The following GJA8 variants were observed in gnomAD, a reference collection of about 807,000 sequenced individuals.
GJA8 encodes the protein gap junction protein alpha 8.
GJA8 carries 13 observed loss-of-function variants against 15.3 expected under a neutral mutation model. The observed-to-expected ratio is 0.85, with a 90% confidence interval of 0.55 to 1.35. The LOEUF is 1.35. Among genes scored for constraint, GJA8 ranks in the 40% most tolerant of loss-of-function variants. The pLI is 0.00. For synonymous variants in GJA8, 304 were observed against 238.7 expected, an observed-to-expected ratio of 1.27 and a Z score of -2.52; for missense variants, 607 against 553.3, an observed-to-expected ratio of 1.10 and a Z score of -0.97.
chr1:147,910,004 C>T (rs1438520602), downstream of GJA8, among the ~76,000 whole-genome samples: 2 of 152,064 alleles, frequency 1.3e-5, no homozygotes, highest in African/African-American at 2.4e-5. Flanking sequence ...GGACTATAGG[C>T]GCACACCACC....
intron 1 of GJA8, among the ~76,000 whole-genome samples, chr1:147,904,794 T>C (rs1651727293): frequency 1.3e-5 from 2 of 152,144 alleles, no homozygotes; most frequent in South Asian, 2.1e-4. Flanking sequence ...GTTGGAAAGA[T>C]TGTGTCCTAA....
downstream of GJA8, among the ~76,000 whole-genome samples, chr1:147,910,836 G>C (rs1327688997): frequency 1.3e-5 from 2 of 152,158 alleles, no homozygotes; most frequent in African/African-American, 4.8e-5. Flanking sequence ...TCCCAAAGTG[G>C]AGTCTCAGGC....
In GJA8 at chr1:147,909,193, C is replaced by G. The variant is rs1450321503; in HGVS notation, c.1238C>G (p.Ala413Gly). The G allele has an allele frequency of 6.2e-7, 1 of 1,613,328 alleles. No individual in the cohort carries two copies. Among genetic ancestry groups the G allele is most frequent in the Non-Finnish European group, 8.5e-7 (1 of 1,179,702 alleles). ...TGTCCAGAGCTGACAACAGATGATGCCAGACCCCTGAGCAGGCTAAGCAAA... is the reference window on the plus strand; with the variant it reads ...TGTCCAGAGCTGACAACAGATGATGGCAGACCCCTGAGCAGGCTAAGCAAA... ...SLCPELTTDD[A>G]RPLSRLSKAS... Residue 413 changes from alanine (A) to glycine (G), a missense_variant, in exon 2 of 2, where the codon GCC (alanine) becomes GGC (glycine). Ala to Gly is a moderately conservative substitution (Grantham distance 60, BLOSUM62 0). Transcript: ENST00000369235.
At chr1:147,906,874 T>G (rs1194648101) in intron 1 of GJA8, among the ~76,000 whole-genome samples, 2 of 152,088 alleles carry the variant, frequency 1.3e-5, no homozygotes, top group Non-Finnish European at 2.9e-5. Context: ...AGCCTCAGAT[T>G]TCTTTTTTCT....
rs1651904201 is a variant in GJA8, at chr1:147,908,399, G to A, written c.444G>A (p.Leu148=). ...TKKFRLEGTL[L]RTYICHIIFK... ...AGTTCCGGCTGGAGGGGACCCTGCT[G>A]AGGACCTACATCTGCCACATCATCT... The change falls in exon 2 of 2, where the codon CTG becomes CTA. Residue 148 remains leucine, a synonymous_variant. Transcript: ENST00000369235. 1 of 1,614,212 alleles carries A rather than the reference G, an allele frequency of 6.2e-7. No homozygotes were observed.
At chr1:147,906,543 C>T (rs1651805965) in intron 1 of GJA8, among the ~76,000 whole-genome samples, 1 of 152,198 alleles carries the variant, frequency 6.6e-6, no homozygotes, top group Non-Finnish European at 1.5e-5. Context: ...TTCCATAGGA[C>T]ACTAAAAGTG....
At chr1:147,905,974 C>T (rs1473543939) in intron 1 of GJA8, among the ~76,000 whole-genome samples, 12 of 152,214 alleles carry the variant, frequency 7.9e-5, no homozygotes, top group African/African-American at 2.9e-4. Flanking sequence ...GCACTCTCTG[C>T]TCTCCCACAA....
intron 1 of GJA8, among the ~76,000 whole-genome samples, 41 bp downstream of exon 1, chr1:147,902,902 C>A (rs1398599083): frequency 6.6e-6 from 1 of 152,174 alleles, no homozygotes; most frequent in African/African-American, 2.4e-5. Context: ...AACCTTCCCC[C>A]CAATTGTTCT....
intron 1 of GJA8, among the ~76,000 whole-genome samples, chr1:147,907,233 T>C (rs1462637472): frequency 1.3e-5 from 2 of 152,176 alleles, no homozygotes; most frequent in South Asian, 2.1e-4. Context: ...CAAATACTTA[T>C]CAAGTTCTCA....
chr1:147,909,261 G>C lies in GJA8; in HGVS notation c.*4G>C. The C allele has an allele frequency of 9.3e-7, 1 of 1,075,542 alleles. No individual in the cohort carries two copies. Among genetic ancestry groups the C allele is most frequent in the Non-Finnish European group, 1.3e-6 (1 of 746,674 alleles). The allele number at this position is 1,075,542 out of a possible 1,614,324, so 66.6% of individuals were successfully genotyped here. ...GTCAGACGATCTAACCGTATGAAGTGACGCCAAAGAAAAAAAAAAAAACGC... is the reference window on the plus strand; with the variant it reads ...GTCAGACGATCTAACCGTATGAAGTCACGCCAAAGAAAAAAAAAAAAACGC... On this transcript the variant is annotated 3_prime_UTR_variant, in exon 2 of 2. Transcript: ENST00000369235.
At chr1:147,904,332 T>A (rs966082071) in intron 1 of GJA8, among the ~76,000 whole-genome samples, 95 of 142,928 alleles carry the variant, frequency 6.6e-4, no homozygotes, top group Middle Eastern at 3.4e-3. Flanking sequence ...CTGTGAAATC[T>A]AAGTCTGAGA....
chr1:147,911,297 C>G (rs180932746), downstream of GJA8, among the ~76,000 whole-genome samples: 169 of 152,294 alleles, frequency 1.1e-3, no homozygotes, highest in African/African-American at 3.9e-3. Flanking sequence ...TCAAGATATA[C>G]CTTTCCAAAG....
downstream of GJA8, among the ~76,000 whole-genome samples, chr1:147,909,687 A>G (rs1553243204): frequency 6.6e-6 from 1 of 152,214 alleles, no homozygotes; most frequent in East Asian, 1.9e-4. Flanking sequence ...TCAGGGATCC[A>G]GACTCAAAAG....
At chr1:147,914,477 T>C in the GJA8 span, among the ~76,000 whole-genome samples, 1 of 152,172 alleles carries the variant, frequency 6.6e-6, no homozygotes, top group Non-Finnish European at 1.5e-5. Context: ...AAAATTAACT[T>C]GACTTTTCAC....
downstream of GJA8, chr1:147,909,329 T>G: frequency 8.7e-7 from 1 of 1,153,152 alleles, no homozygotes. Context: ...GGTGCCAACA[T>G]GATCTGAATC....
At chr1:147,906,030 T>C (rs965495601) in intron 1 of GJA8, among the ~76,000 whole-genome samples, 4 of 152,268 alleles carry the variant, frequency 2.6e-5, no homozygotes, top group African/African-American at 9.6e-5. Flanking sequence ...AGGCTGGACA[T>C]TGCAGATGCC....
chr1:147,908,180 T>G lies in GJA8; in HGVS notation c.225T>G (p.Ile75Met). ...ACGAGGCCTTTCCCATCTCCCACAT[T>G]CGCCTCTGGGTGCTGCAGATCATCT... ...CYDEAFPISH[I>M]RLWVLQIIFV... The change falls in exon 2 of 2, where the codon ATT (isoleucine) becomes ATG (methionine). Residue 75 changes from isoleucine to methionine, a missense_variant. By Grantham distance (10) the Ile-to-Met change is conservative. Transcript: ENST00000369235. 1 of 1,614,172 alleles carries G rather than the reference T, an allele frequency of 6.2e-7. No individual in the cohort carries two copies. Among genetic ancestry groups the G allele is most frequent in the South Asian group, 1.1e-5 (1 of 91,082 alleles).
chr1:147,914,454 T>C, the GJA8 span, among the ~76,000 whole-genome samples: 2 of 152,208 alleles, frequency 1.3e-5, no homozygotes. Flanking sequence ...TGTTAGACTG[T>C]TACAAAGCAA....
At chr1:147,909,297 G>T (rs377572407), downstream of GJA8, 7 of 1,379,030 alleles carry the variant, frequency 5.1e-6, no homozygotes, top group Non-Finnish European at 7.2e-6. Flanking sequence ...CCAAGCTTAC[G>T]TAGGGCAAGA....
Sources: allele counts gnomAD v4.1 joint callset (sites outside exome capture counted in the v4.1 genomes callset), GRCh38; gene constraint gnomAD v4.1.1; transcripts MANE v1.5; gene names NCBI Gene and HGNC (gene_info 2026-07-23, HGNC 2026-07-21).